Variants in SCAPER observed in about 807,000 individuals in gnomAD.
The protein encoded by SCAPER is S phase cyclin A-associated protein in the endoplasmic reticulum.
Under a neutral mutation model 182.2 loss-of-function variants are expected in SCAPER, and 98 were observed. That is an observed-to-expected ratio of 0.54 (90% CI 0.46 to 0.64). SCAPER has a LOEUF of 0.64. Among genes scored for constraint, SCAPER ranks in the 30% least tolerant of loss-of-function variants. The pLI, the probability that SCAPER is intolerant of heterozygous loss-of-function variation, is 0.00. For missense variants in SCAPER, 1,432 were observed against 1,690.0 expected (o/e 0.85, Z 2.68); for synonymous variants, 605 against 564.6 (o/e 1.07, Z -1.01).
chr15:76,722,766 T>C (rs1281638826), intron 17 of SCAPER, among the ~76,000 whole-genome samples: 1 of 152,226 alleles, frequency 6.6e-6, no homozygotes, highest in East Asian at 1.9e-4. Context: ...GTGGGATCGG[T>C]GGTGATATCT....
intron 15 of SCAPER, among the ~76,000 whole-genome samples, chr15:76,736,305 G>A (rs1363848245): frequency 6.6e-6 from 1 of 152,158 alleles, no homozygotes; most frequent in East Asian, 1.9e-4. Flanking sequence ...TGATGTTGAT[G>A]GCTGCTGACT....
At chr15:76,532,758 A>T (rs2144578815) in intron 23 of SCAPER, among the ~76,000 whole-genome samples, 1 of 152,318 alleles carries the variant, frequency 6.6e-6, no homozygotes, top group East Asian at 1.9e-4. Flanking sequence ...CAGAGGTAAC[A>T]TCACAGGGAA....
At chr15:76,853,075 T>C (rs2070929135) in intron 4 of SCAPER, among the ~76,000 whole-genome samples, 1 of 152,086 alleles carries the variant, frequency 6.6e-6, no homozygotes, top group Admixed American at 6.5e-5. Flanking sequence ...CTGGAAAACC[T>C]AGAAGAGATG....
intron 8 of SCAPER, among the ~76,000 whole-genome samples, chr15:76,790,250 CA>C (rs2064911360): frequency 6.7e-6 from 1 of 149,972 alleles, no homozygotes; most frequent in South Asian, 2.1e-4. Context: ...AAAAAATGTA[CA>C]TCAATGTTCA....
At position 76,348,647 on chromosome 15, in the gene SCAPER, T is replaced by A; in HGVS notation, c.4189A>T (p.Lys1397Ter). The change falls in exon 32 of 32, where the codon AAA becomes TAA. Residue 1397 changes from lysine (K) to a stop codon, truncating the protein, a stop_gained. Transcript: ENST00000563290. LOFTEE classifies it high-confidence loss of function. ...AACCAAAACATTTATTTTTTCTCTT[T>A]TTTCAAGAAAAACTGTCGAGCTTCT... ...WEEARQFFLKKEKK is the reference protein window; with the variant it reads ...WEEARQFFLK 6.5e-7 allele frequency: 1 copy of A among 1,547,160 alleles called. No homozygotes were observed. Among genetic ancestry groups the A allele is most frequent in the Non-Finnish European group, 8.7e-7 (1 of 1,145,152 alleles).
intron 17 of SCAPER, among the ~76,000 whole-genome samples, chr15:76,721,283 A>G (rs1361415410): frequency 2.0e-5 from 3 of 152,136 alleles, no homozygotes; most frequent in Non-Finnish European, 4.4e-5. Flanking sequence ...CCATTGGTCT[A>G]TAACTCTGTT....
intron 26 of SCAPER, among the ~76,000 whole-genome samples, chr15:76,421,928 T>C (rs1214701910): frequency 1.3e-5 from 2 of 152,206 alleles, no homozygotes; most frequent in African/African-American, 2.4e-5. Context: ...GATCAGATAG[T>C]TGTAGATGTG....
intron 17 of SCAPER, among the ~76,000 whole-genome samples, chr15:76,708,017 A>T (rs1240945622): frequency 2.6e-5 from 4 of 152,160 alleles, no homozygotes; most frequent in Non-Finnish European, 5.9e-5. Flanking sequence ...AAGAACTATT[A>T]CAAAATATAG....
chr15:76,703,038 T>C (rs529530499), intron 18 of SCAPER, 36 bp from the exon 19 acceptor site: 3 of 1,513,222 alleles, frequency 2.0e-6, no homozygotes, highest in Admixed American at 4.9e-5. Flanking sequence ...ATTTCAAAAA[T>C]TATTCAAATT....
chr15:76,497,106 C>CTTTTTTT (rs1196776227), intron 24 of SCAPER, among the ~76,000 whole-genome samples: 2 of 7,568 alleles, frequency 2.6e-4, no homozygotes. Context: ...GTTTTGGTCT[C>CTTTTTTT]CTCTTTTTTT....
Position 76,504,967 on chromosome 15 carries a change from G to A in SCAPER, c.2846C>T (p.Ala949Val), listed in dbSNP as rs1472862679. Reference sequence around the variant, plus strand: ...AGCAGCTTGAAATGCAATCTGATCTGCCACATTCTAGACAGAAATACAAAC... The same window carrying A: ...AGCAGCTTGAAATGCAATCTGATCTACCACATTCTAGACAGAAATACAAAC... ...ITRILEKENV[A>V]DQIAFQAAGG... The change falls in exon 24 of 32, where the codon GCA (alanine) becomes GTA (valine). Residue 949 changes from alanine (A) to valine (V), a missense_variant. Ala to Val is a moderately conservative substitution (Grantham distance 64, BLOSUM62 0). Transcript: ENST00000563290. 6.2e-7 allele frequency: 1 copy of A among 1,610,910 alleles called. No homozygotes were observed. The highest frequency in any genetic ancestry group is 8.5e-7 in the Non-Finnish European group (1 of 1,178,802).
chr15:76,720,630 G>A (rs1465451907), intron 17 of SCAPER, among the ~76,000 whole-genome samples: 1 of 152,180 alleles, frequency 6.6e-6, no homozygotes, highest in Admixed American at 6.5e-5. Flanking sequence ...TCTAACTGGT[G>A]TGAGATGGTA....
chr15:76,699,345 C>A (rs2058809533), intron 20 of SCAPER, among the ~76,000 whole-genome samples: 1 of 152,098 alleles, frequency 6.6e-6, no homozygotes, highest in Non-Finnish European at 1.5e-5. Context: ...CGTTCCAGTT[C>A]TCAAGGGGAA....
At chr15:76,859,976 A>G (rs2071743015) in intron 3 of SCAPER, among the ~76,000 whole-genome samples, 1 of 152,152 alleles carries the variant, frequency 6.6e-6, no homozygotes. Context: ...TCAGCCTCCC[A>G]AAGTGCTAGG....
At chr15:76,564,089 T>C (rs543434990) in intron 23 of SCAPER, among the ~76,000 whole-genome samples, 2 of 151,982 alleles carry the variant, frequency 1.3e-5, no homozygotes, top group Admixed American at 6.6e-5. Flanking sequence ...GGAAACTTTA[T>C]CCTTGAAAGC....
At chr15:76,864,160 C>T (rs1040925739) in intron 2 of SCAPER, among the ~76,000 whole-genome samples, 8 of 152,148 alleles carry the variant, frequency 5.3e-5, no homozygotes, top group African/African-American at 1.9e-4. Context: ...GGATCTATTT[C>T]TATACAGATA....
chr15:76,860,092 T>A (rs917779492), intron 3 of SCAPER, among the ~76,000 whole-genome samples: 4 of 152,202 alleles, frequency 2.6e-5, no homozygotes, highest in Non-Finnish European at 4.4e-5. Context: ...TATGTTCTTG[T>A]ATGAAAAATC....
chr15:76,617,630 C>T (rs888730235), intron 22 of SCAPER, among the ~76,000 whole-genome samples: 1 of 152,138 alleles, frequency 6.6e-6, no homozygotes, highest in African/African-American at 2.4e-5. Context: ...TTCTCACTCA[C>T]AAGGAGGCTG....
At chr15:76,444,851 T>C (rs1359727744) in intron 25 of SCAPER, among the ~76,000 whole-genome samples, 2 of 152,238 alleles carry the variant, frequency 1.3e-5, no homozygotes, top group South Asian at 2.1e-4. Flanking sequence ...ATTTTGATCA[T>C]TCTAACTTCA....
Sources: allele counts gnomAD v4.1 joint callset (sites outside exome capture counted in the v4.1 genomes callset), GRCh38; gene constraint gnomAD v4.1.1; transcripts MANE v1.5; gene names NCBI Gene and HGNC (gene_info 2026-07-23, HGNC 2026-07-21).